The following FSTL5 variants were observed in gnomAD, a reference collection of about 807,000 sequenced individuals.
The protein encoded by FSTL5 is follistatin like 5, also known as follistatin-related protein 5.
FSTL5 carries 62 observed loss-of-function variants against 89.1 expected under a neutral mutation model. That is an observed-to-expected ratio of 0.70 (90% CI 0.57 to 0.86). The LOEUF (loss-of-function observed/expected upper bound fraction) is 0.86, where lower values mean the gene tolerates loss of function less well. Among genes scored for constraint, FSTL5 ranks in the 40% least tolerant of loss-of-function variants. The probability of loss-of-function intolerance (pLI) is 0.00; values close to 1 mark genes in which losing one functional copy is unlikely to be tolerated. For missense variants in FSTL5, 1,057 were observed against 1,001.6 expected (o/e 1.06, Z -0.75); for synonymous variants, 383 against 346.2 (o/e 1.11, Z -1.18).
At chr4:162,026,787 A>G (rs1468248331) in intron 3 of FSTL5, among the ~76,000 whole-genome samples, 3 of 152,154 alleles carry the variant, frequency 2.0e-5, no homozygotes, top group Admixed American at 2.0e-4. Context: ...TCCAATGCAG[A>G]TTTCAACAAA....
intron 4 of FSTL5, among the ~76,000 whole-genome samples, chr4:161,836,785 G>C (rs1157392554): frequency 1.3e-5 from 2 of 151,816 alleles, no homozygotes; most frequent in Admixed American, 1.3e-4. Context: ...AGCAAAAATG[G>C]AGATGCAAAA....
intron 4 of FSTL5, among the ~76,000 whole-genome samples, chr4:161,911,660 TA>T (rs1180135738): frequency 6.6e-6 from 1 of 152,220 alleles, no homozygotes; most frequent in Non-Finnish European, 1.5e-5. Context: ...ATGAATGCTT[TA>T]TCGAAACGAG....
intron 10 of FSTL5, among the ~76,000 whole-genome samples, chr4:161,531,879 A>T (rs935102519): frequency 1.3e-5 from 2 of 152,192 alleles, no homozygotes; most frequent in Admixed American, 6.5e-5. Flanking sequence ...TTTGAGAAAT[A>T]GATTTTTGTC....
intron 4 of FSTL5, among the ~76,000 whole-genome samples, chr4:161,846,649 C>T (rs535874219): frequency 2.6e-5 from 4 of 151,976 alleles, no homozygotes; most frequent in African/African-American, 9.6e-5. Flanking sequence ...TTCTTAAAAC[C>T]ACAATATCAA....
At position 161,433,118 on chromosome 4, in the gene FSTL5, TAAA is replaced by T. The variant is rs55646334; in HGVS notation, c.1841+21883_1841+21885del. On this transcript the variant is annotated intron_variant, in intron 15 of 15. Transcript: ENST00000306100. Reference sequence around the variant, plus strand: ...TTACCAAAACCAGACAAAGACACATTAAAAAAAAAAAAAACTATAGGTGAATAT... The same window carrying T: ...TTACCAAAACCAGACAAAGACACATTAAAAAAAAAAACTATAGGTGAATAT... Among the ~76,000 whole-genome samples the T allele has an allele frequency of 2.3e-3, 335 of 146,794 alleles. 1 individual carries two copies. Among genetic ancestry groups the T allele is most frequent in the Middle Eastern group, 6.9e-3 (2 of 290 alleles).
chr4:161,863,341 T>C (rs1341668150), intron 4 of FSTL5, among the ~76,000 whole-genome samples: 1 of 152,190 alleles, frequency 6.6e-6, no homozygotes, highest in Admixed American at 6.5e-5. Context: ...ATTCATTTTG[T>C]TTAGTTTCAG....
intron 4 of FSTL5, among the ~76,000 whole-genome samples, chr4:161,834,497 A>G (rs1421185320): frequency 6.6e-6 from 1 of 152,212 alleles, no homozygotes; most frequent in Non-Finnish European, 1.5e-5. Context: ...AATCAGGAAA[A>G]GAGGAAGTCA....
At chr4:162,087,943 G>A (rs75088499) in intron 2 of FSTL5, among the ~76,000 whole-genome samples, 7,826 of 152,078 alleles carry the variant, frequency 0.051, 240 homozygotes, top group South Asian at 0.085. Flanking sequence ...CTTGGATTAT[G>A]GATTATGATA....
chr4:162,070,908 G>A (rs1246370748), intron 2 of FSTL5, among the ~76,000 whole-genome samples: 2 of 151,514 alleles, frequency 1.3e-5, no homozygotes, highest in Non-Finnish European at 3.0e-5. Context: ...TTTTAAGTGA[G>A]TTTTACATCT....
chr4:161,798,115 A>T (rs894945049), intron 4 of FSTL5, among the ~76,000 whole-genome samples: 2 of 151,726 alleles, frequency 1.3e-5, no homozygotes, highest in Non-Finnish European at 3.0e-5. Context: ...TCTCTATTTC[A>T]GATGAAAAAT....
chr4:161,871,969 C>A (rs1732275828), intron 4 of FSTL5, among the ~76,000 whole-genome samples: 1 of 147,920 alleles, frequency 6.8e-6, no homozygotes, highest in Non-Finnish European at 1.5e-5. Flanking sequence ...ATTATTAATT[C>A]AAAAACATAA....
At chr4:161,864,155 C>T (rs760567626) in intron 4 of FSTL5, among the ~76,000 whole-genome samples, 1 of 152,066 alleles carries the variant, frequency 6.6e-6, no homozygotes, top group Non-Finnish European at 1.5e-5. Context: ...CTTTGTAACC[C>T]CAGGACTTAT....
At chr4:162,085,569 A>C (rs2111343955) in intron 2 of FSTL5, among the ~76,000 whole-genome samples, 1 of 152,278 alleles carries the variant, frequency 6.6e-6, no homozygotes, top group African/African-American at 2.4e-5. Context: ...GTATGGAGAC[A>C]TCTCCAGCAT....
chr4:162,030,409 G>A (rs74762480), intron 3 of FSTL5, among the ~76,000 whole-genome samples: 3,006 of 152,094 alleles, frequency 0.02, 144 homozygotes, highest in East Asian at 0.19. Context: ...TGGTCATTAG[G>A]GAAATAACTT....
At chr4:161,530,517 T>A (rs1400315300) in intron 10 of FSTL5, among the ~76,000 whole-genome samples, 3 of 151,788 alleles carry the variant, frequency 2.0e-5, no homozygotes, top group African/African-American at 7.2e-5. Context: ...AAATATTAAT[T>A]TTTTAGAAAT....
At chr4:161,597,953 C>T (rs1187907825) in intron 7 of FSTL5, among the ~76,000 whole-genome samples, 2 of 152,032 alleles carry the variant, frequency 1.3e-5, no homozygotes, top group Non-Finnish European at 2.9e-5. Flanking sequence ...AACATGATAA[C>T]AGTTTATTGA....
At chr4:161,471,182 T>C (rs1733923595) in intron 13 of FSTL5, among the ~76,000 whole-genome samples, 1 of 152,228 alleles carries the variant, frequency 6.6e-6, no homozygotes. Flanking sequence ...CAATCTCTCA[T>C]TGTTGAATTT....
chr4:162,065,729 GAAATC>G (rs1738873235), intron 2 of FSTL5, among the ~76,000 whole-genome samples: 1 of 151,858 alleles, frequency 6.6e-6, no homozygotes, highest in Admixed American at 6.6e-5. Flanking sequence ...CAAAATAAAT[GAAATC>G]AATATCTAAA....
Position 162,119,190 on chromosome 4 carries a change from G to A in FSTL5, c.-16-7778C>T, listed in dbSNP as rs577329488. ...TGCAGTGAGCCATGATCATACCATTGCACTGCAGCCTGGGCAACAGAGTGA... is the reference window on the plus strand; with the variant it reads ...TGCAGTGAGCCATGATCATACCATTACACTGCAGCCTGGGCAACAGAGTGA... On this transcript the variant is annotated intron_variant, in intron 1 of 15. Coordinates refer to ENST00000306100, the MANE Select transcript of FSTL5 (RefSeq NM_020116.5). 3.3e-5 allele frequency among the ~76,000 whole-genome samples: 5 copies of A among 151,066 alleles called. No homozygotes were observed. The South Asian group carries it at 6.3e-4, about 19-fold the overall frequency.
Sources: allele counts gnomAD v4.1 joint callset (sites outside exome capture counted in the v4.1 genomes callset), GRCh38; gene constraint gnomAD v4.1.1; transcripts MANE v1.5; gene names NCBI Gene and HGNC (gene_info 2026-07-23, HGNC 2026-07-21).